Variants in PDIK1L observed in about 807,000 individuals in gnomAD.
PDIK1L encodes the protein serine/threonine-protein kinase PDIK1L.
PDIK1L carries 9 observed loss-of-function variants against 27.1 expected under a neutral mutation model. The observed-to-expected ratio is 0.33, with a 90% CI of 0.20 to 0.58. PDIK1L has a LOEUF of 0.58. PDIK1L is among the 20% of genes least tolerant of loss of function. The probability of loss-of-function intolerance (pLI) is 0.86; values close to 1 mark genes in which losing one functional copy is unlikely to be tolerated. For missense variants in PDIK1L, 216 were observed against 413.2 expected (o/e 0.52, Z 4.14); for synonymous variants, 130 against 141.7 (o/e 0.92, Z 0.59).
intron 2 of PDIK1L, among the ~76,000 whole-genome samples, chr1:26,117,846 C>T (rs1035579731): frequency 6.6e-6 from 1 of 152,042 alleles, no homozygotes; most frequent in Non-Finnish European, 1.5e-5. Context: ...TCACTTGAGG[C>T]CAGGAGTTCC....
chr1:26,117,015 CTTTTTTTTT>C (rs60381058), intron 2 of PDIK1L, among the ~76,000 whole-genome samples: 1 of 103,552 alleles, frequency 9.7e-6, no homozygotes, highest in Non-Finnish European at 1.8e-5. Context: ...TGCGCCCAAC[CTTTTTTTTT>C]TTTTTTTTTT....
Position 26,123,818 on chromosome 1 carries a change from C to T in PDIK1L, c.*1241C>T, listed in dbSNP as rs571662470. The T allele has an allele frequency of 6.6e-6, 1 of 152,594 alleles. No homozygotes were observed. The highest frequency in any genetic ancestry group is 2.4e-5 in the African/African-American group (1 of 41,434). 9.5% of individuals were successfully genotyped at this position (152,594 alleles called of 1,614,324 possible). ...AAGTAGAAAAGCTATCCATTTTATA[C>T]AATCACTGATACAGTCTATGTCAAA... On this transcript the variant is annotated 3_prime_UTR_variant, in exon 3 of 3. Transcript: ENST00000374269.
At chr1:26,119,891 T>C (rs1259427223) in intron 2 of PDIK1L, among the ~76,000 whole-genome samples, 1 of 151,762 alleles carries the variant, frequency 6.6e-6, no homozygotes, top group Non-Finnish European at 1.5e-5. Flanking sequence ...ATAGTGAGAT[T>C]GTGAGAGTTG....
intron 2 of PDIK1L, among the ~76,000 whole-genome samples, chr1:26,119,267 G>A (rs1425860286): frequency 6.6e-6 from 1 of 152,038 alleles, no homozygotes; most frequent in Non-Finnish European, 1.5e-5. Flanking sequence ...AATTAGACGG[G>A]CGTGGTGGTG....
chr1:26,118,796 C>A (rs2087923842), intron 2 of PDIK1L, among the ~76,000 whole-genome samples: 1 of 152,110 alleles, frequency 6.6e-6, no homozygotes, highest in Non-Finnish European at 1.5e-5. Flanking sequence ...TAAAGACAAC[C>A]AATATTTACA....
At chr1:26,113,084 C>T (rs1478767371) in intron 1 of PDIK1L, among the ~76,000 whole-genome samples, 1 of 152,182 alleles carries the variant, frequency 6.6e-6, no homozygotes, top group Non-Finnish European at 1.5e-5. Context: ...TTTACTCCAG[C>T]TGTCTTATGA....
intron 2 of PDIK1L, among the ~76,000 whole-genome samples, chr1:26,115,017 C>T (rs2087855419): frequency 1.3e-5 from 2 of 152,180 alleles, no homozygotes; most frequent in Admixed American, 6.5e-5. Flanking sequence ...GAATGTAAGC[C>T]TCTGCTGTTT....
At chr1:26,117,118 G>A (rs559243284) in intron 2 of PDIK1L, among the ~76,000 whole-genome samples, 5 of 135,388 alleles carry the variant, frequency 3.7e-5, no homozygotes, top group African/African-American at 1.4e-4. Flanking sequence ...TGCAACCTCC[G>A]CCTCCCAGGT....
Position 26,124,888 on chromosome 1 carries a change from G to A in PDIK1L, c.*2311G>A, listed in dbSNP as rs1415409294. 1.3e-5 allele frequency: 2 copies of A among 152,302 alleles called. No individual in the cohort carries two copies. Among genetic ancestry groups the A allele is most frequent in the Admixed American group, 6.5e-5 (1 of 15,276 alleles). 9.4% of individuals were successfully genotyped at this position (152,302 alleles called of 1,614,324 possible). ...ATTTAGCCAAAGGCCTTTTCAGCCAGGAGTAAGAAAAGATGGTTAGTGATA... is the reference window on the plus strand; with the variant it reads ...ATTTAGCCAAAGGCCTTTTCAGCCAAGAGTAAGAAAAGATGGTTAGTGATA... On this transcript the variant is annotated 3_prime_UTR_variant, in exon 3 of 3. Coordinates refer to ENST00000374269, the MANE Select transcript of PDIK1L (RefSeq NM_152835.5).
intron 2 of PDIK1L, among the ~76,000 whole-genome samples, chr1:26,115,799 CA>C (rs57299354): frequency 1.9e-3 from 233 of 119,914 alleles, no homozygotes; most frequent in East Asian, 0.019. Context: ...GAGACTCCGT[CA>C]AAAAAAAAAA....
At chr1:26,118,559 A>G (rs1257512029) in intron 2 of PDIK1L, among the ~76,000 whole-genome samples, 1 of 152,194 alleles carries the variant, frequency 6.6e-6, no homozygotes, top group African/African-American at 2.4e-5. Context: ...TGGATAAATA[A>G]CCCAACTCTT....
At chr1:26,111,356 G>C (rs1045765327), upstream of PDIK1L, 117 of 152,526 alleles carry the variant, frequency 7.7e-4, no homozygotes, top group African/African-American at 2.7e-3. This position sits in a 1 kb window ranked among gnomAD's most constrained non-coding sequence, Gnocchi z 4.0. Flanking sequence ...AGGCACCCGA[G>C]ACCCGCGCGG....
In PDIK1L at chr1:26,122,435, T is replaced by C; in HGVS notation, c.884T>C (p.Val295Ala). The change falls in exon 3 of 3, where the codon GTG becomes GCG. Residue 295 changes from valine (V) to alanine (A), a missense_variant. Val to Ala is a moderately conservative substitution (Grantham distance 64). Coordinates refer to ENST00000374269, the MANE Select transcript of PDIK1L (RefSeq NM_152835.5). This position sits in a 1 kb window ranked among gnomAD's most constrained non-coding sequence, Gnocchi z 5.4. ...CCCAAAATGGAACTTCTCATTCCTG[T>C]GAAGAAAAAATCTATGAATGGGCGA... Reference protein sequence around the residue: ...ENPKMELLIPVKKKSMNGRMK... With the variant: ...ENPKMELLIPAKKKSMNGRMK... The C allele has an allele frequency of 6.2e-7, 1 of 1,614,114 alleles. No individual in the cohort carries two copies. The highest frequency in any genetic ancestry group is 8.5e-7 in the Non-Finnish European group (1 of 1,180,002).
intron 1 of PDIK1L, among the ~76,000 whole-genome samples, chr1:26,113,762 T>C (rs2087837696): frequency 6.6e-6 from 1 of 152,216 alleles, no homozygotes; most frequent in Admixed American, 6.5e-5. Flanking sequence ...ATTATGTGTG[T>C]GTCAGCCTGA....
chr1:26,119,224 A>G (rs1007423368), intron 2 of PDIK1L, among the ~76,000 whole-genome samples: 2 of 151,904 alleles, frequency 1.3e-5, no homozygotes, highest in African/African-American at 2.4e-5. Flanking sequence ...CCTGGACAAC[A>G]TGGTGAAACC....
chr1:26,113,048 A>G (rs1048935282), intron 1 of PDIK1L, among the ~76,000 whole-genome samples: 1 of 152,216 alleles, frequency 6.6e-6, no homozygotes, highest in Non-Finnish European at 1.5e-5. Flanking sequence ...TGTTGGCAAA[A>G]ATGACCTAGA....
chr1:26,122,660 A>G lies in PDIK1L; in HGVS notation c.*83A>G. 1 of 1,471,282 alleles carries G rather than the reference A, an allele frequency of 6.8e-7. No homozygotes were observed. 91.1% of individuals were successfully genotyped at this position (1,471,282 alleles called of 1,614,324 possible). A position where few individuals can be genotyped will look rare whatever the true frequency, so the allele number is the denominator to read the frequency against. On this transcript the variant is annotated 3_prime_UTR_variant, in exon 3 of 3. Coordinates refer to ENST00000374269, the MANE Select transcript of PDIK1L (RefSeq NM_152835.5). This position sits in a 1 kb window ranked among gnomAD's most constrained non-coding sequence, Gnocchi z 5.4. ...ACATTATGTGGCTGAAAAAGAATAT[A>G]AAAAGCTAGACTCTACCCTCTAAGG...
At chr1:26,111,315 C>A, upstream of PDIK1L, 1 of 152,778 alleles carries the variant, frequency 6.5e-6, no homozygotes, top group South Asian at 1.9e-4. This position sits in a 1 kb window ranked among gnomAD's most constrained non-coding sequence, Gnocchi z 4.0. Flanking sequence ...CGCACCTCCC[C>A]GCAGGCCCGC....
In PDIK1L at chr1:26,117,058, GTCTTGCTCTGTCGC is replaced by G. The variant is rs2087891014; in HGVS notation, c.285+2468_285+2481del. Among the ~76,000 whole-genome samples the G allele has an allele frequency of 1.1e-4, 10 of 95,042 alleles. No individual in the cohort carries two copies. In the Admixed American group the frequency reaches 1.3e-3, roughly 12 times the overall value. 62.4% of individuals were successfully genotyped at this position (95,042 alleles called of 152,430 possible). On this transcript the variant is annotated intron_variant, in intron 2 of 2. Transcript: ENST00000374269. Reference sequence around the variant, plus strand: ...TTTTTTTTTTCTTTTTTGAGACAGAGTCTTGCTCTGTCGCTCAGGCTGGAGTGCAGTGGTGCGAT... The same window carrying G: ...TTTTTTTTTTCTTTTTTGAGACAGAGTCAGGCTGGAGTGCAGTGGTGCGAT...
Sources: gnomAD v4.1 joint callset for allele counts (sites outside exome capture counted in the v4.1 genomes callset) on GRCh38, gnomAD v4.1.1 for gene constraint, Gnocchi (gnomAD v3.1) non-coding constraint, MANE v1.5 for transcripts, NCBI Gene and HGNC (gene_info 2026-07-23, HGNC 2026-07-21) for gene names.